The following EFNA2 variants were observed in gnomAD, a reference collection of about 807,000 sequenced individuals.
EFNA2 encodes the protein ephrin-A2.
EFNA2 carries 18 observed loss-of-function variants against 19.7 expected under a neutral mutation model. That is an observed-to-expected ratio of 0.91 (90% CI 0.63 to 1.35). EFNA2 has a LOEUF of 1.35. Ranked by LOEUF, EFNA2 falls within the 40% of genes most tolerant of loss-of-function variation. The pLI is 0.00. For missense variants in EFNA2, 303 were observed against 296.0 expected, an observed-to-expected ratio of 1.02 and a Z score of -0.17; for synonymous variants, 187 against 137.8, an observed-to-expected ratio of 1.36 and a Z score of -2.50.
intron 2 of EFNA2, 111 bp from the exon 3 acceptor site, chr19:1,298,440 C>T: frequency 1.9e-6 from 2 of 1,078,846 alleles, no homozygotes; most frequent in Admixed American, 2.1e-5. Flanking sequence ...AAGGGTGGCT[C>T]TCCACCTGGG....
Position 1,297,451 on chromosome 19 carries a change from T to C in EFNA2, c.455-1100T>C, listed in dbSNP as rs2081520913. ...ATTCGTCCTACCTCTGTGATGAATGTTATTTTTATTACATGCTTTTTATCT... is the reference window on the plus strand; with the variant it reads ...ATTCGTCCTACCTCTGTGATGAATGCTATTTTTATTACATGCTTTTTATCT... On this transcript the variant is annotated intron_variant, in intron 2 of 3. Coordinates refer to ENST00000215368, the MANE Select transcript of EFNA2 (RefSeq NM_001405.4). This position sits in a 1 kb window ranked among gnomAD's most constrained non-coding sequence, Gnocchi z 5.0. Among the ~76,000 whole-genome samples, 1 of 152,208 alleles carries C rather than the reference T, an allele frequency of 6.6e-6. No homozygotes were observed. The highest frequency in any genetic ancestry group is 1.5e-5 in the Non-Finnish European group (1 of 68,036).
intron 1 of EFNA2, among the ~76,000 whole-genome samples, chr19:1,290,712 C>A (rs556306965): frequency 1.3e-5 from 2 of 152,200 alleles, no homozygotes; most frequent in Non-Finnish European, 2.9e-5. Context: ...CCAGCCTCTC[C>A]TGCAGATGGG....
Position 1,297,916 on chromosome 19 carries a change from A to G in EFNA2, c.455-635A>G, listed in dbSNP as rs572276065. Among the ~76,000 whole-genome samples the G allele has an allele frequency of 2.0e-5, 3 of 152,166 alleles. No homozygotes were observed. In the East Asian group the frequency reaches 5.8e-4, roughly 29 times the overall value. ...GTGAAACCCCGTTTCTACTAAAAAT[A>G]CAAAAATTAGCCAGGCATGGTGGCA... On this transcript the variant is annotated intron_variant, in intron 2 of 3. Transcript: ENST00000215368. The surrounding 1 kb of genome is among the most constrained non-coding windows in gnomAD (Gnocchi z 5.0).
chr19:1,289,691 C>G (rs1226977047), intron 1 of EFNA2, among the ~76,000 whole-genome samples: 1 of 152,310 alleles, frequency 6.6e-6, no homozygotes, highest in African/African-American at 2.4e-5. Context: ...GACCCAGTGG[C>G]CCTCGGGTGT....
chr19:1,298,610 C>G lies in EFNA2; in HGVS notation c.514C>G (p.Pro172Ala). The stretch of plus-strand genomic sequence containing the variant: ...CCTGCGACTGAAGGTGTACGTGCGG[C>G]CGACCAGTAAGTGCTCAGGGGGATG... ...PCLRLKVYVR[P>A]TNETLYEAPE... The change falls in exon 3 of 4, where the codon CCG becomes GCG. Residue 172 changes from proline (P) to alanine (A), a missense_variant. Pro to Ala is a conservative substitution (Grantham distance 27, BLOSUM62 -1). Coordinates refer to ENST00000215368, the MANE Select transcript of EFNA2 (RefSeq NM_001405.4). 6.2e-7 allele frequency: 1 copy of G among 1,613,874 alleles called. No homozygotes were observed. Among genetic ancestry groups the G allele is most frequent in the Non-Finnish European group, 8.5e-7 (1 of 1,179,954 alleles).
At chr19:1,292,340 A>AAC (rs942892053) in intron 1 of EFNA2, among the ~76,000 whole-genome samples, 1 of 152,230 alleles carries the variant, frequency 6.6e-6, no homozygotes, top group African/African-American at 2.4e-5. Flanking sequence ...CCTGCCCTCC[A>AAC]ACACACACAC....
upstream of EFNA2, among the ~76,000 whole-genome samples, chr19:1,285,636 G>C (rs572299794): frequency 1.9e-4 from 29 of 151,972 alleles, no homozygotes; most frequent in East Asian, 5.4e-3. This position sits in a 1 kb window ranked among gnomAD's most constrained non-coding sequence, Gnocchi z 4.1. Flanking sequence ...GTGGGGGCGC[G>C]GGAGGCAGGG....
chr19:1,288,856 T>A (rs1230453768), intron 1 of EFNA2, among the ~76,000 whole-genome samples: 1 of 152,146 alleles, frequency 6.6e-6, no homozygotes, highest in East Asian at 1.9e-4. Flanking sequence ...CTCCCCAACC[T>A]GGGCTGGGTA....
At chr19:1,293,228 G>A (rs899473161) in intron 1 of EFNA2, among the ~76,000 whole-genome samples, 2 of 152,340 alleles carry the variant, frequency 1.3e-5, no homozygotes, top group Non-Finnish European at 2.9e-5. Context: ...GGCTACCATC[G>A]ACCGCCTGAT....
Position 1,294,334 on chromosome 19 carries a change from C to T in EFNA2, c.141-1211C>T, listed in dbSNP as rs902302910. 9.8e-5 allele frequency among the ~76,000 whole-genome samples: 15 copies of T among 152,326 alleles called. No individual in the cohort carries two copies. Among genetic ancestry groups the T allele is most frequent in the African/African-American group, 2.9e-4 (12 of 41,570 alleles). On this transcript the variant is annotated intron_variant, in intron 1 of 3. Coordinates refer to ENST00000215368, the MANE Select transcript of EFNA2 (RefSeq NM_001405.4). The surrounding 1 kb of genome is among the most constrained non-coding windows in gnomAD (Gnocchi z 5.8). ...CCCGAGGCAGTGAGGGAAGGGGAGCCGCCGGTCCCTTCCTCGGCTGATCTC... is the reference window on the plus strand; with the variant it reads ...CCCGAGGCAGTGAGGGAAGGGGAGCTGCCGGTCCCTTCCTCGGCTGATCTC...
chr19:1,294,200 A>T lies in EFNA2; in HGVS notation c.141-1345A>T, dbSNP rs724421. Among the ~76,000 whole-genome samples the T allele has an allele frequency of 0.08, 12,188 of 152,230 alleles. 862 individuals carry two copies. The highest frequency in any genetic ancestry group is 0.18 in the African/African-American group (7,642 of 41,516). On this transcript the variant is annotated intron_variant, in intron 1 of 3. Transcript: ENST00000215368. This position sits in a 1 kb window ranked among gnomAD's most constrained non-coding sequence, Gnocchi z 5.8. ...CTGTTCAGGTCTTTTATGTGCTAATAAGCCCCTCTCAGGGCCCCCCTCGTG... is the reference window on the plus strand; with the variant it reads ...CTGTTCAGGTCTTTTATGTGCTAATTAGCCCCTCTCAGGGCCCCCCTCGTG...
Position 1,295,854 on chromosome 19 carries a change from C to CATCTGTG in EFNA2, c.452_454+4dup, listed in dbSNP as rs1202310515. On this transcript the variant is annotated frameshift_variant, in exon 2 of 4. Transcript: ENST00000215368. LOFTEE classifies it high-confidence loss of function. The surrounding 1 kb of genome is among the most constrained non-coding windows in gnomAD (Gnocchi z 5.8). ...TCCGGCCCGGCCACGAGTATTACTA[C>CATCTGTG]ATCTGTGAGTGGGGTCGGGCCGGGG... 1 of 1,589,670 alleles carries CATCTGTG rather than the reference C, an allele frequency of 6.3e-7. No homozygotes were observed. Among genetic ancestry groups the CATCTGTG allele is most frequent in the Non-Finnish European group, 8.5e-7 (1 of 1,172,284 alleles).
intron 1 of EFNA2, among the ~76,000 whole-genome samples, chr19:1,293,650 C>T (rs958851980): frequency 6.6e-6 from 1 of 152,194 alleles, no homozygotes; most frequent in African/African-American, 2.4e-5. Context: ...CCTCCCATGT[C>T]CCCTGTGCTG....
upstream of EFNA2, among the ~76,000 whole-genome samples, chr19:1,285,225 C>T (rs565265711): frequency 1.2e-3 from 188 of 152,354 alleles, 1 homozygote; most frequent in African/African-American, 4.1e-3. The surrounding 1 kb of genome is among the most constrained non-coding windows in gnomAD (Gnocchi z 4.1). Context: ...GGCAGCGGCC[C>T]TCCCCTGCCT....
intron 1 of EFNA2, among the ~76,000 whole-genome samples, chr19:1,289,343 G>C (rs1038317859): frequency 1.3e-5 from 2 of 152,228 alleles, no homozygotes; most frequent in African/African-American, 4.8e-5. Context: ...TGGAGTGCAG[G>C]TGTGTGTGCG....
Position 1,300,263 on chromosome 19 carries a change from T to G in EFNA2, c.*318T>G. The G allele has an allele frequency of 4.9e-6, 1 of 205,378 alleles. No individual in the cohort carries two copies. The highest frequency in any genetic ancestry group is 2.4e-5 in the African/African-American group (1 of 41,114). The allele number at this position is 205,378 out of a possible 1,614,324, so 12.7% of individuals were successfully genotyped here. A position where few individuals can be genotyped will look rare whatever the true frequency, so the allele number is the denominator to read the frequency against. On this transcript the variant is annotated 3_prime_UTR_variant, in exon 4 of 4. Transcript: ENST00000215368. ...GCGATTTTTTTTTTTTTTTTTTTTTTTTTTTTTTTTTTTAGTGTATTTTTC... is the reference window on the plus strand; with the variant it reads ...GCGATTTTTTTTTTTTTTTTTTTTTGTTTTTTTTTTTTTAGTGTATTTTTC...
At chr19:1,292,312 G>A (rs1480866404) in intron 1 of EFNA2, among the ~76,000 whole-genome samples, 1 of 152,270 alleles carries the variant, frequency 6.6e-6, no homozygotes, top group East Asian at 1.9e-4. Context: ...AGAGCCGGGG[G>A]TGGGGGTTCC....
chr19:1,284,593 C>T (rs915368316), upstream of EFNA2, among the ~76,000 whole-genome samples: 7 of 152,162 alleles, frequency 4.6e-5, no homozygotes, highest in Non-Finnish European at 8.8e-5. The surrounding 1 kb of genome is among the most constrained non-coding windows in gnomAD (Gnocchi z 5.3). Flanking sequence ...GCTGGGGAAT[C>T]GGGGGAGGAG....
Position 1,301,109 on chromosome 19 carries a change from A to G in EFNA2, c.*1164A>G, listed in dbSNP as rs1428740965. 1.4e-4 allele frequency among the ~76,000 whole-genome samples: 6 copies of G among 43,848 alleles called. No individual in the cohort carries two copies. The highest frequency in any genetic ancestry group is 7.8e-4 in the African/African-American group (5 of 6,396). 28.8% of individuals were successfully genotyped at this position (43,848 alleles called of 152,430 possible). A position where few individuals can be genotyped will look rare whatever the true frequency, so the allele number is the denominator to read the frequency against. On this transcript the variant is annotated 3_prime_UTR_variant, in exon 4 of 4. Transcript: ENST00000215368. ...AAAAAAGGACAAAAGGGAGGGAACCACTACCAAAAAAAAAAAAAGAAACTC... is the reference window on the plus strand; with the variant it reads ...AAAAAAGGACAAAAGGGAGGGAACCGCTACCAAAAAAAAAAAAAGAAACTC...
Sources: allele counts gnomAD v4.1 joint callset (sites outside exome capture counted in the v4.1 genomes callset), GRCh38; gene constraint gnomAD v4.1.1; non-coding constraint Gnocchi (gnomAD v3.1); transcripts MANE v1.5; gene names NCBI Gene and HGNC (gene_info 2026-07-23, HGNC 2026-07-21).